BICC1: variants seen among roughly 807,000 people sequenced by gnomAD.
BICC1 encodes the protein BicC family RNA binding protein 1.
In BICC1, 43 loss-of-function variants were observed where a neutral mutation model predicts 111.0. That is an observed-to-expected ratio of 0.39 (90% CI 0.30 to 0.50). The LOEUF is 0.50. Ranked by LOEUF, BICC1 falls within the 20% of genes least tolerant of loss-of-function variation. BICC1 has a pLI of 0.88. For missense variants in BICC1, 1,091 were observed against 1,203.2 expected, an observed-to-expected ratio of 0.91 and a Z score of 1.38; for synonymous variants, 467 against 434.4, an observed-to-expected ratio of 1.07 and a Z score of -0.93.
intron 3 of BICC1, among the ~76,000 whole-genome samples, chr10:58,720,729 C>T (rs1840913479): frequency 6.6e-6 from 1 of 152,144 alleles, no homozygotes; most frequent in African/African-American, 2.4e-5. Context: ...CATCTACAGA[C>T]AGTGAAAATC....
At chr10:58,805,157 G>A (rs973408512) in intron 15 of BICC1, among the ~76,000 whole-genome samples, 4 of 152,124 alleles carry the variant, frequency 2.6e-5, no homozygotes, top group Admixed American at 2.6e-4. Flanking sequence ...GCCCAGCTTG[G>A]TGGTGGGCGC....
chr10:58,804,974 T>G (rs1843664674), intron 15 of BICC1, among the ~76,000 whole-genome samples: 1 of 152,140 alleles, frequency 6.6e-6, no homozygotes, highest in Admixed American at 6.5e-5. Context: ...TATTTTATAG[T>G]TATTTCTTTT....
intron 18 of BICC1, 51 bp downstream of exon 18, chr10:58,814,037 G>A (rs1428205453): frequency 6.3e-7 from 1 of 1,599,956 alleles, no homozygotes. Flanking sequence ...ATTAGAATGT[G>A]TTTATTTGGG....
chr10:58,525,539 A>C (rs1301160336), intron 1 of BICC1, among the ~76,000 whole-genome samples: 3 of 125,606 alleles, frequency 2.4e-5, no homozygotes, highest in African/African-American at 3.0e-5. Flanking sequence ...AGGAAGGGGA[A>C]TATCACACAC....
chr10:58,638,024 A>C (rs1204399045), intron 2 of BICC1, among the ~76,000 whole-genome samples: 1 of 152,164 alleles, frequency 6.6e-6, no homozygotes, highest in Non-Finnish European at 1.5e-5. Context: ...TAGTGGAATG[A>C]AGTGGATTTT....
intron 2 of BICC1, among the ~76,000 whole-genome samples, chr10:58,622,897 G>T (rs1034092483): frequency 2.6e-5 from 4 of 152,136 alleles, no homozygotes; most frequent in Non-Finnish European, 5.9e-5. Flanking sequence ...TAGCATCTTC[G>T]TATTTTTCTC....
intron 17 of BICC1, among the ~76,000 whole-genome samples, chr10:58,813,275 G>A (rs1843970190): frequency 6.6e-6 from 1 of 152,086 alleles, no homozygotes; most frequent in Non-Finnish European, 1.5e-5. Flanking sequence ...TTTTATTGTG[G>A]AGAATTTAAA....
At chr10:58,585,287 A>G (rs1309448321) in intron 1 of BICC1, among the ~76,000 whole-genome samples, 1 of 152,134 alleles carries the variant, frequency 6.6e-6, no homozygotes, top group East Asian at 1.9e-4. Flanking sequence ...TTGTGTGGCC[A>G]TTGTCAAGTC....
intron 3 of BICC1, among the ~76,000 whole-genome samples, chr10:58,764,914 C>A (rs977097216): frequency 6.6e-6 from 1 of 152,062 alleles, no homozygotes; most frequent in Non-Finnish European, 1.5e-5. Flanking sequence ...AAGGTGATAA[C>A]TGTAAATTAG....
At chr10:58,713,658 C>T (rs1192098310) in intron 3 of BICC1, among the ~76,000 whole-genome samples, 1 of 152,140 alleles carries the variant, frequency 6.6e-6, no homozygotes, top group Non-Finnish European at 1.5e-5. Flanking sequence ...TTTGGTCACA[C>T]ACAAAAAATA....
chr10:58,827,036 CT>C (rs1844420797), intron 20 of BICC1, among the ~76,000 whole-genome samples: 1 of 152,192 alleles, frequency 6.6e-6, no homozygotes, highest in Non-Finnish European at 1.5e-5. Context: ...AAAAGACTGA[CT>C]TTTAAAGTTC....
chr10:58,560,229 T>C (rs1843566534), intron 1 of BICC1, among the ~76,000 whole-genome samples: 1 of 152,082 alleles, frequency 6.6e-6, no homozygotes, highest in East Asian at 1.9e-4. Flanking sequence ...TATTACTGAC[T>C]CAATCTCCTT....
At chr10:58,589,461 CT>C (rs35939695) in intron 1 of BICC1, among the ~76,000 whole-genome samples, 43,282 of 148,800 alleles carry the variant, frequency 0.29, 6,475 homozygotes, top group East Asian at 0.46. Flanking sequence ...TACAGCTTTA[CT>C]TTTTTTTTTT....
Position 58,797,824 on chromosome 10 carries a change from C to CA in BICC1, c.1367-566dup, listed in dbSNP as rs570209117. The stretch of plus-strand genomic sequence containing the variant: ...TCCTTAGAACAACAACAACAACAAC[C>CA]AAAAAAAAACAGTATTTTTTTCTGA... On this transcript the variant is annotated intron_variant, in intron 10 of 20. Coordinates refer to ENST00000373886, the MANE Select transcript of BICC1 (RefSeq NM_001080512.3). Among the ~76,000 whole-genome samples the CA allele has an allele frequency of 2.9e-3, 438 of 148,668 alleles. 4 individuals carry two copies. Among genetic ancestry groups the CA allele is most frequent in the East Asian group, 0.014 (70 of 5,090 alleles).
At chr10:58,783,671 A>T (rs1196544697) in intron 3 of BICC1, among the ~76,000 whole-genome samples, 1 of 152,196 alleles carries the variant, frequency 6.6e-6, no homozygotes, top group Non-Finnish European at 1.5e-5. Flanking sequence ...TACTGCCTGG[A>T]TGCAAAGTAC....
chr10:58,576,632 C>T (rs1341830261), intron 1 of BICC1, among the ~76,000 whole-genome samples: 1 of 152,144 alleles, frequency 6.6e-6, no homozygotes, highest in Non-Finnish European at 1.5e-5. Context: ...TCTGCCTCCC[C>T]TCCCAAAATA....
chr10:58,828,244 CCTGTGCTTAGGTATGGG>C (rs1185549846), intron 20 of BICC1, among the ~76,000 whole-genome samples: 1 of 152,018 alleles, frequency 6.6e-6, no homozygotes, highest in East Asian at 1.9e-4. Context: ...CTCCAATATC[CCTGTGCTTAGGTATGGG>C]GTCTTCTTTT....
intron 3 of BICC1, among the ~76,000 whole-genome samples, chr10:58,726,268 A>G (rs562466828): frequency 6.6e-6 from 1 of 152,232 alleles, no homozygotes; most frequent in East Asian, 1.9e-4. Flanking sequence ...TAATAATAAT[A>G]GTGAAAATTA....
rs1189799067 is a variant in BICC1 at position 58,786,906 on chromosome 10, A to G, written c.388-17A>G. The G allele has an allele frequency of 1.3e-6, 2 of 1,549,218 alleles. No homozygotes were observed. The highest frequency in any genetic ancestry group is 1.7e-6 in the Non-Finnish European group (2 of 1,153,726). On this transcript the variant is annotated splice_polypyrimidine_tract_variant and intron_variant, in intron 4 of 20. Coordinates refer to ENST00000373886, the MANE Select transcript of BICC1 (RefSeq NM_001080512.3). ...CCTTTTGCATACATCAAGTAATAAT[A>G]CATTATTTTCACATAGAGCAATCGA...
Sources: gnomAD v4.1 joint callset for allele counts (sites outside exome capture counted in the v4.1 genomes callset) on GRCh38, gnomAD v4.1.1 for gene constraint, MANE v1.5 for transcripts, NCBI Gene and HGNC (gene_info 2026-07-23, HGNC 2026-07-21) for gene names.